Variants in TENM3 observed in about 807,000 individuals in gnomAD.
TENM3 encodes the protein teneurin transmembrane protein 3, also known as teneurin-3.
A neutral mutation model predicts 255.1 loss-of-function variants in TENM3; 63 were observed. That is an observed-to-expected ratio of 0.25 (90% confidence interval 0.20 to 0.30). The LOEUF (loss-of-function observed/expected upper bound fraction) is 0.30. Ranked by LOEUF, TENM3 falls within the 10% of genes least tolerant of loss-of-function variation. The pLI is 1.00. For synonymous variants in TENM3, 1,306 were observed against 1,322.3 expected (o/e 0.99, Z 0.27); for missense variants, 2,929 against 3,461.1 (o/e 0.85, Z 3.86).
chr4:181,827,271 C>T, the TENM3 span, among the ~76,000 whole-genome samples: 1 of 152,074 alleles, frequency 6.6e-6, no homozygotes, highest in Non-Finnish European at 1.5e-5. Flanking sequence ...ATTGGTGATT[C>T]GTGAAATATA....
intron 1 of TENM3, among the ~76,000 whole-genome samples, chr4:182,163,612 G>A (rs1004544387): frequency 6.6e-6 from 1 of 152,180 alleles, no homozygotes; most frequent in African/African-American, 2.4e-5. Flanking sequence ...TGCACTTTTA[G>A]TTTATTAGAA....
chr4:181,947,085 C>T, the TENM3 span, among the ~76,000 whole-genome samples: 1 of 152,156 alleles, frequency 6.6e-6, no homozygotes, highest in African/African-American at 2.4e-5. Flanking sequence ...ATCCTAGCCG[C>T]AGGATAATTA....
chr4:182,517,300 G>C (rs955559764), intron 3 of TENM3, among the ~76,000 whole-genome samples: 1 of 151,952 alleles, frequency 6.6e-6, no homozygotes, highest in South Asian at 2.1e-4. Context: ...AGAGCTTCAC[G>C]GTAGCACTAG....
At chr4:182,648,687 A>C (rs10011637) in intron 5 of TENM3, among the ~76,000 whole-genome samples, 23 of 151,946 alleles carry the variant, frequency 1.5e-4, no homozygotes, top group African/African-American at 5.3e-4. Flanking sequence ...TGTGAGCAGC[A>C]CTCCAGAAAC....
chr4:182,096,129 C>CAA, the TENM3 span, among the ~76,000 whole-genome samples: 3,013 of 130,384 alleles, frequency 0.023, 98 homozygotes, highest in East Asian at 0.14. Flanking sequence ...GACCCTGTCT[C>CAA]AAAAAAAAAA....
At chr4:182,640,528 C>A (rs921874337) in intron 5 of TENM3, among the ~76,000 whole-genome samples, 6 of 152,152 alleles carry the variant, frequency 3.9e-5, no homozygotes, top group Non-Finnish European at 7.3e-5. Context: ...TTTACATTTT[C>A]CATTTTTAGA....
chr4:182,659,021 A>G (rs1753991253), intron 6 of TENM3, among the ~76,000 whole-genome samples: 1 of 152,220 alleles, frequency 6.6e-6, no homozygotes, highest in Non-Finnish European at 1.5e-5. Context: ...TTTCACTGCC[A>G]TCACATTCTG....
the TENM3 span, among the ~76,000 whole-genome samples, chr4:181,503,692 A>T: frequency 6.6e-6 from 1 of 152,158 alleles, no homozygotes; most frequent in African/African-American, 2.4e-5. Context: ...CTTTTAACTA[A>T]TACCCAGGAA....
intron 8 of TENM3, 72 bp from the exon 9 acceptor site, chr4:182,680,176 C>A (rs1756031507): frequency 1.8e-6 from 2 of 1,082,044 alleles, no homozygotes; most frequent in African/African-American, 1.5e-5. Flanking sequence ...AAATGAAGAT[C>A]AAAGTGATAC....
At position 182,729,043 on chromosome 4, in the gene TENM3, C is replaced by T. The variant is rs377378678; in HGVS notation, c.2447C>T (p.Pro816Leu). The change falls in exon 14 of 28, where the codon CCG (proline) becomes CTG (leucine). Residue 816 changes from proline (P) to leucine (L), a missense_variant. This residue lies in a region of TENM3 where 1,608 missense variants were observed against 1,884.4 expected (regional missense o/e 0.85). Transcript: ENST00000511685. ...CQNQPYCRGLPDPQDIISQSL... is the reference protein window; with the variant it reads ...CQNQPYCRGLLDPQDIISQSL... ...AATCAGCCCTATTGTCGGGGACTGCCGGATCCTCAGGACATCATTAGCCAA... is the reference window on the plus strand; with the variant it reads ...AATCAGCCCTATTGTCGGGGACTGCTGGATCCTCAGGACATCATTAGCCAA... The T allele has an allele frequency of 7.4e-6, 12 of 1,613,968 alleles. No homozygotes were observed. Among genetic ancestry groups the T allele is most frequent in the East Asian group, 2.2e-5 (1 of 44,870 alleles).
the TENM3 span, among the ~76,000 whole-genome samples, chr4:181,808,487 A>T: frequency 6.6e-6 from 1 of 152,188 alleles, no homozygotes; most frequent in Non-Finnish European, 1.5e-5. Context: ...GGAGAAGGAT[A>T]CTTTCTGTAA....
the TENM3 span, among the ~76,000 whole-genome samples, chr4:181,626,328 G>A: frequency 6.6e-6 from 1 of 152,196 alleles, no homozygotes; most frequent in African/African-American, 2.4e-5. Flanking sequence ...CAGGAAGGTG[G>A]ATAGGGACTG....
intron 3 of TENM3, among the ~76,000 whole-genome samples, chr4:182,469,680 C>T (rs58713903): frequency 0.069 from 10,392 of 150,254 alleles, 487 homozygotes; most frequent in African/African-American, 0.13. Context: ...TGCCACTGCA[C>T]TCCAGCTTGG....
intron 3 of TENM3, among the ~76,000 whole-genome samples, chr4:182,500,630 T>G (rs1736215597): frequency 5.8e-5 from 1 of 17,218 alleles, no homozygotes; most frequent in Non-Finnish European, 2.3e-4. Flanking sequence ...GGAATTTAAG[T>G]AAATAATTAG....
chr4:182,140,484 G>A (rs1389002881), upstream of TENM3, among the ~76,000 whole-genome samples: 1 of 152,132 alleles, frequency 6.6e-6, no homozygotes, highest in Non-Finnish European at 1.5e-5. Context: ...TGCAGCCGGG[G>A]CAGCAACTGG....
At chr4:182,399,061 C>A (rs1343654042) in intron 3 of TENM3, among the ~76,000 whole-genome samples, 1 of 152,120 alleles carries the variant, frequency 6.6e-6, no homozygotes, top group Non-Finnish European at 1.5e-5. Flanking sequence ...GACTGAGGTA[C>A]CCTGTACACT....
At chr4:182,541,283 A>T (rs1740854619) in intron 3 of TENM3, among the ~76,000 whole-genome samples, 1 of 152,206 alleles carries the variant, frequency 6.6e-6, no homozygotes. Context: ...TTTGGACTTT[A>T]TCCTAAGCCA....
At chr4:182,571,524 CCA>C (rs576424784) in intron 3 of TENM3, among the ~76,000 whole-genome samples, 167 of 152,182 alleles carry the variant, frequency 1.1e-3, no homozygotes, top group African/African-American at 3.9e-3. Flanking sequence ...AGACCCTGCC[CCA>C]CACATGCACA....
chr4:182,543,576 C>A (rs1741120008), intron 3 of TENM3, among the ~76,000 whole-genome samples: 1 of 152,138 alleles, frequency 6.6e-6, no homozygotes, highest in South Asian at 2.1e-4. Context: ...ATCTAGGCAT[C>A]TGTTCCCTTA....
Sources: allele counts gnomAD v4.1 joint callset (sites outside exome capture counted in the v4.1 genomes callset), GRCh38; gene constraint gnomAD v4.1.1; regional missense constraint gnomAD v4.1.1; transcripts MANE v1.5; gene names NCBI Gene and HGNC (gene_info 2026-07-23, HGNC 2026-07-21).